AP4E1: variants seen among roughly 807,000 people sequenced by gnomAD.
AP4E1 encodes the protein adaptor related protein complex 4 subunit epsilon 1.
A neutral mutation model predicts 128.2 loss-of-function variants in AP4E1; 56 were observed. That is an observed-to-expected ratio of 0.44 (90% CI 0.35 to 0.55). The LOEUF (loss-of-function observed/expected upper bound fraction) is 0.55. AP4E1 is among the 20% of genes least tolerant of loss of function. AP4E1 has a pLI of 0.00. For synonymous variants in AP4E1, 484 were observed against 473.1 expected (o/e 1.02, Z -0.30); for missense variants, 1,324 against 1,307.7 (o/e 1.01, Z -0.19).
intron 14 of AP4E1, among the ~76,000 whole-genome samples, chr15:50,968,007 A>G (rs1161702450): frequency 6.6e-6 from 1 of 152,058 alleles, no homozygotes; most frequent in East Asian, 1.9e-4. Flanking sequence ...TTTAGTAGAG[A>G]TGGGGTTTTG....
At chr15:50,928,858 A>G (rs2063797992) in intron 5 of AP4E1, 151 bp from the exon 6 acceptor site, 8 of 788,392 alleles carry the variant, frequency 1.0e-5, no homozygotes, top group Non-Finnish European at 1.6e-5. Flanking sequence ...GTATATTAGA[A>G]TAAATAAATT....
chr15:50,920,675 G>A (rs1029838363), intron 3 of AP4E1, among the ~76,000 whole-genome samples: 11 of 151,958 alleles, frequency 7.2e-5, no homozygotes, highest in African/African-American at 2.7e-4. Flanking sequence ...TGGGATTGCA[G>A]GCATGAGCCA....
chr15:51,003,367 C>G lies in AP4E1; in HGVS notation c.*705C>G, dbSNP rs574577364. 5.9e-5 allele frequency: 9 copies of G among 152,510 alleles called. No homozygotes were observed. The highest frequency in any genetic ancestry group is 1.0e-4 in the Non-Finnish European group (7 of 68,028). 9.4% of individuals were successfully genotyped at this position (152,510 alleles called of 1,614,324 possible). A position where few individuals can be genotyped will look rare whatever the true frequency, so the allele number is the denominator to read the frequency against. ...TCACTCTATTCTTATTTTGAAAACT[C>G]AGAGCCATTTTATATAGAAACAAAA... is the stretch of plus-strand genomic sequence containing the variant. On this transcript the variant is annotated 3_prime_UTR_variant, in exon 21 of 21. Transcript: ENST00000261842.
chr15:51,001,800 C>A (rs567778640), intron 20 of AP4E1, among the ~76,000 whole-genome samples: 1 of 152,148 alleles, frequency 6.6e-6, no homozygotes, highest in South Asian at 2.1e-4. Flanking sequence ...TATACAAATA[C>A]CTGTTTGTGT....
chr15:50,995,542 C>T (rs1276838073), intron 17 of AP4E1, among the ~76,000 whole-genome samples: 8 of 151,846 alleles, frequency 5.3e-5, no homozygotes, highest in Admixed American at 3.9e-4. Context: ...TGTGCCACCA[C>T]GCCGAGCTCA....
chr15:50,921,833 TGA>T (rs1437936384), intron 3 of AP4E1, among the ~76,000 whole-genome samples: 3 of 152,190 alleles, frequency 2.0e-5, no homozygotes, highest in Non-Finnish European at 2.9e-5. Context: ...TTACATTTTT[TGA>T]GTCACAGTGT....
At chr15:50,975,692 T>A (rs765915379) in intron 15 of AP4E1, among the ~76,000 whole-genome samples, 4 of 152,204 alleles carry the variant, frequency 2.6e-5, no homozygotes, top group Non-Finnish European at 5.9e-5. Flanking sequence ...TTATTGTAGA[T>A]TTGTAATATA....
chr15:50,971,103 C>T (rs552918621), intron 15 of AP4E1, among the ~76,000 whole-genome samples: 2 of 152,038 alleles, frequency 1.3e-5, no homozygotes, highest in Admixed American at 6.6e-5. Context: ...TTCCAGACTC[C>T]CTGGAGCATT....
At chr15:50,958,425 A>C in intron 13 of AP4E1, 67 bp from the exon 14 acceptor site, 1 of 1,357,092 alleles carries the variant, frequency 7.4e-7, no homozygotes, top group South Asian at 1.3e-5. Flanking sequence ...TACTTTGTTT[A>C]GATTTTAGTA....
chr15:50,996,983 A>G (rs988174444), intron 17 of AP4E1, among the ~76,000 whole-genome samples: 4 of 152,240 alleles, frequency 2.6e-5, no homozygotes, highest in Non-Finnish European at 5.9e-5. Context: ...AACTCAAAAA[A>G]TGGTGAAGTT....
Position 50,968,313 on chromosome 15 carries a change from T to G in AP4E1, c.1902T>G (p.Ser634Arg). Residue 634 changes from serine (S) to arginine (R), a missense_variant, in exon 15 of 21, where the codon AGT (serine) becomes AGG (arginine). Physicochemically the swap from Ser to Arg is moderately radical, Grantham distance 110. Coordinates refer to ENST00000261842, the MANE Select transcript of AP4E1 (RefSeq NM_007347.5). ...ATGGTTTTGTGGCTGAAGGACTCAG[T>G]CAGGGTGCAGCGCCTTACAAACCTC... ...FLDGFVAEGL[S>R]QGAAPYKPPH... 6.2e-7 allele frequency: 1 copy of G among 1,613,854 alleles called. No homozygotes were observed. The highest frequency in any genetic ancestry group is 8.5e-7 in the Non-Finnish European group (1 of 1,179,890).
At chr15:50,987,278 A>C (rs943030914) in intron 16 of AP4E1, among the ~76,000 whole-genome samples, 1 of 152,092 alleles carries the variant, frequency 6.6e-6, no homozygotes, top group African/African-American at 2.4e-5. Flanking sequence ...GATTTTTTGA[A>C]GGGTTTTTTG....
chr15:50,921,651 A>G (rs1042951132), intron 3 of AP4E1, among the ~76,000 whole-genome samples: 1 of 152,140 alleles, frequency 6.6e-6, no homozygotes, highest in Non-Finnish European at 1.5e-5. Flanking sequence ...AGATGAGAAG[A>G]CTGAGACTCA....
intron 15 of AP4E1, among the ~76,000 whole-genome samples, chr15:50,977,706 G>GTTTTTTTTTTT (rs1401774266): frequency 0.13 from 10,100 of 78,826 alleles, 991 homozygotes; most frequent in Non-Finnish European, 0.16. Flanking sequence ...ATCTGTTATG[G>GTTTTTTTTTTT]TTTTTTTTTT....
intron 8 of AP4E1, among the ~76,000 whole-genome samples, chr15:50,935,796 T>A (rs2063901109): frequency 6.6e-6 from 1 of 152,206 alleles, no homozygotes; most frequent in Non-Finnish European, 1.5e-5. Flanking sequence ...AAAAAGTGCC[T>A]GACAAAGATG....
chr15:50,958,417 CT>C (rs1325074441), intron 13 of AP4E1, 74 bp from the exon 14 acceptor site: 31 of 1,276,638 alleles, frequency 2.4e-5, no homozygotes, highest in Non-Finnish European at 3.3e-5. Context: ...GCAGTAGGTA[CT>C]TTGTTTAGAT....
intron 15 of AP4E1, among the ~76,000 whole-genome samples, chr15:50,972,649 A>ATGTACACAGTGAGTCAGC (rs2064496675): frequency 1.3e-5 from 2 of 152,186 alleles, no homozygotes; most frequent in South Asian, 4.1e-4. Context: ...GGATATGTGC[A>ATGTACACAGTGAGTCAGC]TGTACACAGT....
In AP4E1 at chr15:50,983,632, C is replaced by T. The variant is rs532643082; in HGVS notation, c.1967-390C>T. ...AATCCATTTGGTACGAGAATGTACCCAGGAGCAGTTTGTTCAGCAAAACAT... is the reference window on the plus strand; with the variant it reads ...AATCCATTTGGTACGAGAATGTACCTAGGAGCAGTTTGTTCAGCAAAACAT... On this transcript the variant is annotated intron_variant, in intron 15 of 20. Coordinates refer to ENST00000261842, the MANE Select transcript of AP4E1 (RefSeq NM_007347.5). Among the ~76,000 whole-genome samples, 187 of 152,260 alleles carry T rather than the reference C, an allele frequency of 1.2e-3. 6 individuals are homozygous for T. In the South Asian group the frequency reaches 0.02, roughly 16 times the overall value.
chr15:50,964,681 G>A (rs2064362831), intron 14 of AP4E1, among the ~76,000 whole-genome samples: 1 of 151,810 alleles, frequency 6.6e-6, no homozygotes, highest in South Asian at 2.1e-4. Flanking sequence ...AGGTGCTTGG[G>A]CTTTGATTCT....
Sources: allele counts gnomAD v4.1 joint callset (sites outside exome capture counted in the v4.1 genomes callset), GRCh38; gene constraint gnomAD v4.1.1; transcripts MANE v1.5; gene names NCBI Gene and HGNC (gene_info 2026-07-23, HGNC 2026-07-21).